The following CBLC variants were observed in gnomAD, a reference collection of about 807,000 sequenced individuals.
The protein encoded by CBLC is Cbl proto-oncogene C, also known as E3 ubiquitin-protein ligase CBL-C.
In CBLC, 46 loss-of-function variants were observed where a neutral mutation model predicts 58.6. That is an observed-to-expected ratio of 0.79 (90% CI 0.62 to 1.00). The LOEUF (loss-of-function observed/expected upper bound fraction) is 1.00, where lower values mean the gene tolerates loss of function less well. CBLC is among the 50% of genes least tolerant of loss of function. The probability of loss-of-function intolerance (pLI) is 0.00; values close to 1 mark genes in which losing one functional copy is unlikely to be tolerated. For missense variants in CBLC, 655 were observed against 625.8 expected (o/e 1.05, Z -0.50); for synonymous variants, 271 against 264.2 (o/e 1.03, Z -0.25).
intron 5 of CBLC, among the ~76,000 whole-genome samples, chr19:44,786,983 A>C (rs1967925096): frequency 6.6e-6 from 1 of 152,192 alleles, no homozygotes; most frequent in East Asian, 1.9e-4. Flanking sequence ...GCTACTCAGG[A>C]GGCTGAGACG....
chr19:44,786,576 C>T (rs573038554), intron 5 of CBLC, among the ~76,000 whole-genome samples: 17 of 142,392 alleles, frequency 1.2e-4, no homozygotes, highest in African/African-American at 3.9e-4. Flanking sequence ...GCCTGAGCGA[C>T]AGAGCAAGAC....
At chr19:44,793,450 C>G (rs772940892) in intron 7 of CBLC, 24 bp from the exon 8 acceptor site, 2 of 1,585,702 alleles carry the variant, frequency 1.3e-6, no homozygotes, top group Non-Finnish European at 1.7e-6. Context: ...GAGCACTGAC[C>G]CTTTCCCTCC....
chr19:44,783,094 C>T (rs534281568), intron 4 of CBLC, among the ~76,000 whole-genome samples: 3 of 152,220 alleles, frequency 2.0e-5, no homozygotes, highest in East Asian at 3.9e-4. Context: ...GGCCAGGCCC[C>T]GCACAGTGGC....
intron 5 of CBLC, among the ~76,000 whole-genome samples, chr19:44,788,723 A>C (rs1234105684): frequency 6.6e-6 from 1 of 152,002 alleles, no homozygotes; most frequent in Non-Finnish European, 1.5e-5. Flanking sequence ...GGCTGGTCTC[A>C]AACTCCTGGC....
At chr19:44,789,484 A>G (rs925510767) in intron 5 of CBLC, among the ~76,000 whole-genome samples, 13 of 151,692 alleles carry the variant, frequency 8.6e-5, no homozygotes, top group African/African-American at 2.9e-4. Context: ...GCTCACTGCA[A>G]CCTCTGCCTC....
chr19:44,792,324 T>G lies in CBLC; in HGVS notation c.1006-59T>G, dbSNP rs1472893330. On this transcript the variant is annotated intron_variant, in intron 6 of 10. Transcript: ENST00000647358. Reference sequence around the variant, plus strand: ...TGGGATTTTCTTCCTGTGGCCCAAGTTGTGTCCCCGTGGCTGACGCATGCC... The same window carrying G: ...TGGGATTTTCTTCCTGTGGCCCAAGGTGTGTCCCCGTGGCTGACGCATGCC... 22 of 1,597,906 alleles carry G rather than the reference T, an allele frequency of 1.4e-5. No individual in the cohort carries two copies. The East Asian group carries it at 4.7e-4, about 34-fold the overall frequency.
rs751204879 is a variant in CBLC, at chr19:44,777,902, C to T, written c.-30C>T. 2.5e-5 allele frequency: 38 copies of T among 1,508,538 alleles called. No individual in the cohort carries two copies. The highest frequency in any genetic ancestry group is 9.7e-6 in the Non-Finnish European group (11 of 1,136,800). 93.4% of individuals were successfully genotyped at this position (1,508,538 alleles called of 1,614,324 possible). A position where few individuals can be genotyped will look rare whatever the true frequency, so the allele number is the denominator to read the frequency against. On this transcript the variant is annotated 5_prime_UTR_variant, in exon 1 of 11. Transcript: ENST00000647358. ...CGAGGCCGCCCCTATCCCAGCCGCA[C>T]CGGTCCTTCCCGGCACACGCGAGGC...
intron 9 of CBLC, among the ~76,000 whole-genome samples, chr19:44,794,542 G>A (rs1968141372): frequency 7.3e-6 from 1 of 137,166 alleles, no homozygotes; most frequent in Non-Finnish European, 1.5e-5. Context: ...TTGGCTCACT[G>A]CAACCTCCAC....
chr19:44,784,989 T>G (rs1967859461), intron 5 of CBLC, among the ~76,000 whole-genome samples: 1 of 136,374 alleles, frequency 7.3e-6, no homozygotes, highest in African/African-American at 3.0e-5. Flanking sequence ...TTTTTTTTTT[T>G]GAGACAGAGT....
rs202100625 is a variant in CBLC, at chr19:44,789,999, C to G, written c.918-5C>G. The G allele has an allele frequency of 4.6e-4, 734 of 1,611,044 alleles. No individual in the cohort carries two copies. Among genetic ancestry groups the G allele is most frequent in the Admixed American group, 1.8e-3 (105 of 59,984 alleles). On this transcript the variant is annotated splice_polypyrimidine_tract_variant and splice_region_variant and intron_variant, in intron 5 of 10. Transcript: ENST00000647358. ...CCCCAGTCCCCCTCTCTTCCCTTCC[C>G]CCAGCTACCTCTACCCAGATGGAAA...
At chr19:44,796,296 A>G (rs937883800) in intron 9 of CBLC, among the ~76,000 whole-genome samples, 1 of 152,178 alleles carries the variant, frequency 6.6e-6, no homozygotes, top group Non-Finnish European at 1.5e-5. Flanking sequence ...GTACCTGCCC[A>G]AAACCACACA....
rs1968030275 is a variant in CBLC at position 44,790,929 on chromosome 19, GT to G, written c.1005+839del. ...GTTCAAGACCAGCCTGGCCAACATA[GT>G]GAAACCCATCTCTACCAAAAATACA... On this transcript the variant is annotated intron_variant, in intron 6 of 10. Transcript: ENST00000647358. 4.0e-5 allele frequency among the ~76,000 whole-genome samples: 6 copies of G among 151,826 alleles called. No homozygotes were observed. In the South Asian group the frequency reaches 1.2e-3, roughly 31 times the overall value.
chr19:44,800,054 G>A (rs10418198), intron 9 of CBLC, among the ~76,000 whole-genome samples: 6,891 of 152,222 alleles, frequency 0.045, 221 homozygotes, highest in African/African-American at 0.091. Context: ...ATGGACTAGG[G>A]ACAAGGCCAA....
chr19:44,782,617 G>T, intron 4 of CBLC, 126 bp downstream of exon 4: 1 of 737,152 alleles, frequency 1.4e-6, no homozygotes, highest in Non-Finnish European at 2.2e-6. Context: ...ACCCCAGAGA[G>T]TTGATAACTC....
chr19:44,784,955 T>G (rs908143135), intron 5 of CBLC, among the ~76,000 whole-genome samples: 5 of 90,226 alleles, frequency 5.5e-5, no homozygotes, highest in Non-Finnish European at 8.5e-5. Context: ...CAGGTGTTTT[T>G]TTTTTTTTTT....
At position 44,789,166 on chromosome 19, in the gene CBLC, A is replaced by G. The variant is rs146131014; in HGVS notation, c.918-838A>G. On this transcript the variant is annotated intron_variant, in intron 5 of 10. Transcript: ENST00000647358. The stretch of plus-strand genomic sequence containing the variant: ...AGCCCAGTGCTGAGATCTCGCCTAC[A>G]ACCCTGGTTCTCGGTCTCTCTGGTC... Among the ~76,000 whole-genome samples, 395 of 152,188 alleles carry G rather than the reference A, an allele frequency of 2.6e-3. 3 individuals are homozygous for G. The highest frequency in any genetic ancestry group is 9.1e-3 in the African/African-American group (377 of 41,524).
intron 9 of CBLC, among the ~76,000 whole-genome samples, chr19:44,799,583 C>T (rs143695016): frequency 0.12 from 18,193 of 152,004 alleles, 1,220 homozygotes; most frequent in South Asian, 0.23. Flanking sequence ...CCACCCACCT[C>T]GGCCTCCCAA....
intron 5 of CBLC, among the ~76,000 whole-genome samples, chr19:44,785,644 T>A (rs931761778): frequency 3.9e-5 from 6 of 151,970 alleles, no homozygotes; most frequent in Non-Finnish European, 8.8e-5. Flanking sequence ...ATAATTTTTT[T>A]AACATTTTTG....
chr19:44,788,201 T>C (rs1250261220), intron 5 of CBLC, among the ~76,000 whole-genome samples: 4 of 151,850 alleles, frequency 2.6e-5, no homozygotes, highest in Admixed American at 1.3e-4. Flanking sequence ...TGCTGCAGCC[T>C]CGACCTCCCA....
Sources: allele counts gnomAD v4.1 joint callset (sites outside exome capture counted in the v4.1 genomes callset), GRCh38; gene constraint gnomAD v4.1.1; transcripts MANE v1.5; gene names NCBI Gene and HGNC (gene_info 2026-07-23, HGNC 2026-07-21).